ZNF804B: variants seen among roughly 807,000 people sequenced by gnomAD.
The protein encoded by ZNF804B is zinc finger 804B.
Under a neutral mutation model 101.4 loss-of-function variants are expected in ZNF804B, and 80 were observed. The observed-to-expected ratio is 0.79, with a 90% confidence interval of 0.66 to 0.95. The LOEUF is 0.95. Among genes scored for constraint, ZNF804B ranks in the 40% least tolerant of loss-of-function variants. The probability of loss-of-function intolerance (pLI) is 0.00; values close to 1 mark genes in which losing one functional copy is unlikely to be tolerated. For synonymous variants in ZNF804B, 622 were observed against 558.8 expected (o/e 1.11, Z -1.59); for missense variants, 1,673 against 1,561.9 (o/e 1.07, Z -1.20).
At chr7:88,929,140 A>G (rs922830105) in intron 1 of ZNF804B, among the ~76,000 whole-genome samples, 3 of 151,904 alleles carry the variant, frequency 2.0e-5, no homozygotes, top group Non-Finnish European at 4.4e-5. Flanking sequence ...TCTCTTTATC[A>G]TATACAGATC....
chr7:88,968,037 A>T (rs887194474), intron 1 of ZNF804B, among the ~76,000 whole-genome samples: 3 of 151,570 alleles, frequency 2.0e-5, no homozygotes, highest in African/African-American at 7.3e-5. Flanking sequence ...CATTTAAAAA[A>T]TAAGAGTGTG....
chr7:89,127,065 C>G (rs923271904), intron 1 of ZNF804B, among the ~76,000 whole-genome samples: 2 of 151,906 alleles, frequency 1.3e-5, no homozygotes, highest in Non-Finnish European at 2.9e-5. Flanking sequence ...TGTACCTGAT[C>G]ATTTCTGGAA....
chr7:89,034,492 C>A (rs917065924), intron 1 of ZNF804B, among the ~76,000 whole-genome samples: 1 of 151,900 alleles, frequency 6.6e-6, no homozygotes, highest in Non-Finnish European at 1.5e-5. Flanking sequence ...TGAGTGAGAA[C>A]ATGCGGTGTT....
chr7:88,943,970 C>T (rs1002307026), intron 1 of ZNF804B, among the ~76,000 whole-genome samples: 4 of 151,678 alleles, frequency 2.6e-5, no homozygotes, highest in Admixed American at 6.6e-5. Flanking sequence ...TATTGCAATG[C>T]GTGGCTGTAT....
chr7:89,258,408 A>G (rs188858073), intron 2 of ZNF804B, among the ~76,000 whole-genome samples: 1 of 152,242 alleles, frequency 6.6e-6, no homozygotes, highest in East Asian at 1.9e-4. Context: ...CAGTGTGGCT[A>G]TGTGTAATAA....
At chr7:89,123,791 A>G (rs2116369634) in intron 1 of ZNF804B, among the ~76,000 whole-genome samples, 1 of 152,292 alleles carries the variant, frequency 6.6e-6, no homozygotes, top group Non-Finnish European at 1.5e-5. Flanking sequence ...CAAAGATAAT[A>G]CAAGTAGTAA....
intron 1 of ZNF804B, among the ~76,000 whole-genome samples, chr7:89,129,176 T>C (rs576271823): frequency 1.3e-5 from 2 of 151,992 alleles, no homozygotes; most frequent in Admixed American, 6.6e-5. Context: ...TTGAAGACTA[T>C]TTTTTACGTT....
At chr7:88,959,566 C>A (rs1394391786) in intron 1 of ZNF804B, among the ~76,000 whole-genome samples, 3 of 151,346 alleles carry the variant, frequency 2.0e-5, no homozygotes. Context: ...GCTGTCATTT[C>A]TCCTTCTAAG....
At chr7:88,891,787 C>G (rs1177074585) in intron 1 of ZNF804B, among the ~76,000 whole-genome samples, 2 of 151,704 alleles carry the variant, frequency 1.3e-5, no homozygotes, top group South Asian at 4.2e-4. Flanking sequence ...ATGTGCACAA[C>G]GTGCAGGTTT....
chr7:89,021,324 C>T (rs1225777937), intron 1 of ZNF804B, among the ~76,000 whole-genome samples: 1 of 152,114 alleles, frequency 6.6e-6, no homozygotes, highest in Admixed American at 6.6e-5. Flanking sequence ...AGGACTATGT[C>T]TCAGGCCAAG....
intron 1 of ZNF804B, among the ~76,000 whole-genome samples, chr7:89,011,389 G>T (rs1788459855): frequency 6.6e-6 from 1 of 152,014 alleles, no homozygotes; most frequent in African/African-American, 2.4e-5. Context: ...AAAACACAAT[G>T]GTGCCCTACA....
chr7:89,106,473 C>T (rs755475833), intron 1 of ZNF804B, among the ~76,000 whole-genome samples: 1 of 151,826 alleles, frequency 6.6e-6, no homozygotes, highest in Non-Finnish European at 1.5e-5. Context: ...GAAACTAGCC[C>T]GAGATTGATG....
In ZNF804B at chr7:88,926,945, G is replaced by GGGGGT. The variant is rs1554346844; in HGVS notation, c.108+166865_108+166866insTGGGG. On this transcript the variant is annotated intron_variant, in intron 1 of 3. Coordinates refer to ENST00000333190, the MANE Select transcript of ZNF804B (RefSeq NM_181646.5). ...GATGTCTGCCGGGTGGTGGGGAGCG[G>GGGGGT]GGGGAAAGCTGTTCTGTAGTTTGTT... Among the ~76,000 whole-genome samples the GGGGGT allele has an allele frequency of 2.7e-5, 4 of 149,896 alleles. 1 individual carries two copies. Among genetic ancestry groups the GGGGGT allele is most frequent in the African/African-American group, 9.8e-5 (4 of 40,786 alleles).
intron 1 of ZNF804B, among the ~76,000 whole-genome samples, chr7:88,853,826 C>G (rs17164780): frequency 0.022 from 3,410 of 152,080 alleles, 142 homozygotes; most frequent in African/African-American, 0.077. Context: ...GTATGACCTT[C>G]TTGAAAATAG....
At chr7:88,932,765 G>T (rs1792906660) in intron 1 of ZNF804B, among the ~76,000 whole-genome samples, 1 of 151,402 alleles carries the variant, frequency 6.6e-6, no homozygotes, top group African/African-American at 2.4e-5. Flanking sequence ...AATAAAAAAT[G>T]CCCACAAAAA....
intron 1 of ZNF804B, among the ~76,000 whole-genome samples, chr7:89,180,086 T>C (rs559808958): frequency 1.3e-5 from 2 of 152,292 alleles, no homozygotes; most frequent in South Asian, 2.1e-4. Flanking sequence ...ACTGGGACCA[T>C]GCTGGGCCAG....
chr7:89,270,310 T>C (rs1789871713), intron 2 of ZNF804B, among the ~76,000 whole-genome samples: 1 of 152,250 alleles, frequency 6.6e-6, no homozygotes, highest in Non-Finnish European at 1.5e-5. Context: ...CAGCACCATT[T>C]ATTAAATAGG....
In ZNF804B at chr7:89,336,390, T is replaced by C; in HGVS notation, c.3408T>C (p.His1136=). The change falls in exon 4 of 4, where the codon CAT becomes CAC. Residue 1136 remains histidine, a synonymous_variant. Coordinates refer to ENST00000333190, the MANE Select transcript of ZNF804B (RefSeq NM_181646.5). ...TCGAAGACGGATTAGAAATGTGTCA[T>C]AAATCTATCTCTCCCCCTTTAATTC... ...DKVEDGLEMC[H]KSISPPLIQQ... 1.2e-6 allele frequency: 2 copies of C among 1,614,078 alleles called. No individual in the cohort carries two copies. The highest frequency in any genetic ancestry group is 1.1e-5 in the South Asian group (1 of 91,080).
At chr7:89,320,146 A>G (rs1044743880) in intron 2 of ZNF804B, among the ~76,000 whole-genome samples, 7 of 152,116 alleles carry the variant, frequency 4.6e-5, no homozygotes, top group African/African-American at 1.4e-4. Context: ...GTGTATATCT[A>G]TGTAACAAAA....
Sources: gnomAD v4.1 joint callset for allele counts (sites outside exome capture counted in the v4.1 genomes callset) on GRCh38, gnomAD v4.1.1 for gene constraint, MANE v1.5 for transcripts, NCBI Gene and HGNC (gene_info 2026-07-23, HGNC 2026-07-21) for gene names.